The following OSBPL10 variants were observed in gnomAD, a reference collection of about 807,000 sequenced individuals.
OSBPL10 encodes oxysterol binding protein like 10.
OSBPL10 carries 49 observed loss-of-function variants against 81.7 expected under a neutral mutation model. The ratio of observed to expected loss-of-function variants is 0.60; its 90% confidence interval spans 0.48 to 0.76. The LOEUF (loss-of-function observed/expected upper bound fraction) is 0.76, where lower values mean the gene tolerates loss of function less well. Ranked by LOEUF, OSBPL10 falls within the 30% of genes least tolerant of loss-of-function variation. The pLI is 0.00. For synonymous variants in OSBPL10, 419 were observed against 383.6 expected (o/e 1.09, Z -1.08); for missense variants, 923 against 987.8 (o/e 0.93, Z 0.88).
At chr3:31,740,341 C>T (rs985351822) in intron 5 of OSBPL10, among the ~76,000 whole-genome samples, 3 of 151,942 alleles carry the variant, frequency 2.0e-5, no homozygotes, top group African/African-American at 4.8e-5. Context: ...TGTGCCTGGC[C>T]GCTATGAATA....
chr3:31,895,552 A>T (rs1435604043), intron 1 of OSBPL10, among the ~76,000 whole-genome samples: 2 of 152,170 alleles, frequency 1.3e-5, no homozygotes, highest in Non-Finnish European at 2.9e-5. Context: ...GGTGGTTACA[A>T]TTGCAGTCAA....
intron 4 of OSBPL10, among the ~76,000 whole-genome samples, chr3:31,769,213 C>T (rs541558837): frequency 3.5e-4 from 53 of 151,966 alleles, no homozygotes; most frequent in Non-Finnish European, 3.5e-4. Flanking sequence ...GAGGCCGAGG[C>T]GGGCAGATCA....
In OSBPL10 at chr3:31,981,040, G is replaced by C. The variant is rs1698826134; in HGVS notation, c.140C>G (p.Ala47Gly). Residue 47 changes from alanine to glycine, a missense_variant, in exon 1 of 12, where the codon GCC becomes GGC. Ala to Gly is a moderately conservative substitution (Grantham distance 60). Coordinates refer to ENST00000396556, the MANE Select transcript of OSBPL10 (RefSeq NM_017784.5). The surrounding 1 kb of genome is among the most constrained non-coding windows in gnomAD (Gnocchi z 4.5). ...GCGGCTTCCCCCGCCGCCGAGCCCG[G>C]CCGCCGCCGACCGGCTGGAGACCCC... ...GRGVSSRSAA[A>G]GLGGGGSRSS... 1 of 1,475,942 alleles carries C rather than the reference G, an allele frequency of 6.8e-7. No homozygotes were observed. The highest frequency in any genetic ancestry group is 8.9e-7 in the Non-Finnish European group (1 of 1,117,896). 91.4% of individuals were successfully genotyped at this position (1,475,942 alleles called of 1,614,324 possible).
At chr3:32,018,393 T>C (rs1699333991) in intron 2 of OSBPL10, among the ~76,000 whole-genome samples, 1 of 152,170 alleles carries the variant, frequency 6.6e-6, no homozygotes, top group African/African-American at 2.4e-5. Flanking sequence ...TAGTTTGCTT[T>C]ATGGTTGAAT....
chr3:31,876,378 G>A (rs1358685545), intron 3 of OSBPL10, 55 bp downstream of exon 3: 6 of 1,447,184 alleles, frequency 4.1e-6, no homozygotes, highest in Non-Finnish European at 4.9e-6. Flanking sequence ...AAATAATGGG[G>A]CTGAAAGCCA....
chr3:31,819,543 G>A lies in OSBPL10; in HGVS notation c.729+10497C>T, dbSNP rs74416962. ...TCATTGGGGTACTGCACAGGCCAGG[G>A]GCCACGTAGGAGTGAGGCATACAGA... is the stretch of plus-strand genomic sequence containing the variant. On this transcript the variant is annotated intron_variant, in intron 4 of 11. Coordinates refer to ENST00000396556, the MANE Select transcript of OSBPL10 (RefSeq NM_017784.5). Among the ~76,000 whole-genome samples, 165 of 152,264 alleles carry A rather than the reference G, an allele frequency of 1.1e-3. 3 individuals are homozygous for A. The East Asian group carries it at 0.021, about 19-fold the overall frequency.
intron 1 of OSBPL10, among the ~76,000 whole-genome samples, chr3:31,924,109 T>C (rs1696997715): frequency 6.6e-6 from 1 of 151,346 alleles, no homozygotes; most frequent in African/African-American, 2.4e-5. Context: ...TCCCAGCTAC[T>C]TGGGAGGCTG....
At chr3:31,793,155 C>G (rs1019096268) in intron 4 of OSBPL10, among the ~76,000 whole-genome samples, 2 of 152,084 alleles carry the variant, frequency 1.3e-5, no homozygotes, top group Non-Finnish European at 2.9e-5. Context: ...AAATATTTTT[C>G]TAATTCTTTC....
At chr3:31,871,747 C>T (rs1559499946) in intron 3 of OSBPL10, among the ~76,000 whole-genome samples, 1 of 152,148 alleles carries the variant, frequency 6.6e-6, no homozygotes, top group Non-Finnish European at 1.5e-5. Context: ...CCTGTGGCCC[C>T]AGCTGCTCAG....
Position 31,736,988 on chromosome 3 carries a change from T to C in OSBPL10, c.941-3577A>G, listed in dbSNP as rs939106839. Among the ~76,000 whole-genome samples, 10 of 152,166 alleles carry C rather than the reference T, an allele frequency of 6.6e-5. No individual in the cohort carries two copies. The East Asian group carries it at 1.2e-3, about 18-fold the overall frequency. ...ATTCTTCCCACACCTCAACTCTGTG[T>C]CTCCCTCCCCTCTATCCCATCATTA... On this transcript the variant is annotated intron_variant, in intron 5 of 11. Coordinates refer to ENST00000396556, the MANE Select transcript of OSBPL10 (RefSeq NM_017784.5).
At chr3:32,071,457 T>G (rs145181656) in intron 1 of OSBPL10, among the ~76,000 whole-genome samples, 17,065 of 151,338 alleles carry the variant, frequency 0.11, 905 homozygotes, top group Middle Eastern at 0.13. Context: ...CCCTGACTCA[T>G]CCCAACCCTT....
chr3:31,828,553 G>T (rs1169125628), intron 4 of OSBPL10, among the ~76,000 whole-genome samples: 2 of 152,084 alleles, frequency 1.3e-5, no homozygotes, highest in African/African-American at 4.8e-5. Context: ...TTTTTTCTGA[G>T]ACACAGTCTC....
intron 2 of OSBPL10, chr3:32,030,297 T>C: frequency 2.3e-6 from 1 of 431,438 alleles, no homozygotes; most frequent in East Asian, 5.2e-5. Context: ...TGCGAATCTA[T>C]AAGAAAGGTG....
upstream of OSBPL10, among the ~76,000 whole-genome samples, chr3:31,982,408 G>A (rs1225320714): frequency 6.6e-6 from 1 of 152,040 alleles, no homozygotes; most frequent in African/African-American, 2.4e-5. Context: ...GGTGATCTCC[G>A]TCCAAAGGAT....
At chr3:31,932,106 GATTAT>G (rs774433619) in intron 1 of OSBPL10, among the ~76,000 whole-genome samples, 11 of 151,872 alleles carry the variant, frequency 7.2e-5, no homozygotes, top group East Asian at 1.9e-4. Flanking sequence ...TTATATATCT[GATTAT>G]ATTATACCGA....
chr3:31,857,826 GAGA>G (rs1700962475), intron 3 of OSBPL10, among the ~76,000 whole-genome samples: 2 of 78,558 alleles, frequency 2.5e-5, no homozygotes, highest in East Asian at 7.5e-4. Context: ...AAGGGAGAGG[GAGA>G]GGGAGAGGGA....
intron 5 of OSBPL10, among the ~76,000 whole-genome samples, chr3:31,736,438 C>T (rs193206428): frequency 7.8e-4 from 119 of 152,160 alleles, no homozygotes; most frequent in African/African-American, 2.6e-3. Flanking sequence ...GAGAAATATC[C>T]GCAAATAACA....
chr3:31,727,100 T>C (rs1696832251), intron 6 of OSBPL10, among the ~76,000 whole-genome samples: 1 of 152,152 alleles, frequency 6.6e-6, no homozygotes, highest in Non-Finnish European at 1.5e-5. Context: ...CCTAAAATGC[T>C]GGGACTACAG....
intron 1 of OSBPL10, among the ~76,000 whole-genome samples, chr3:31,934,513 A>T (rs974970258): frequency 6.7e-6 from 1 of 149,810 alleles, no homozygotes; most frequent in African/African-American, 2.5e-5. Flanking sequence ...GGTTCAAGGG[A>T]TTCTCCTGCC....
Sources: gnomAD v4.1 joint callset for allele counts (sites outside exome capture counted in the v4.1 genomes callset) on GRCh38, gnomAD v4.1.1 for gene constraint, Gnocchi (gnomAD v3.1) non-coding constraint, MANE v1.5 for transcripts, NCBI Gene and HGNC (gene_info 2026-07-23, HGNC 2026-07-21) for gene names.